Variants in DPP4 observed in about 807,000 individuals in gnomAD.
The protein encoded by DPP4 is ADCP-2.
Under a neutral mutation model 122.4 loss-of-function variants are expected in DPP4, and 93 were observed. The observed-to-expected ratio is 0.76, with a 90% CI of 0.64 to 0.90. The LOEUF is 0.90. Among genes scored for constraint, DPP4 ranks in the 40% least tolerant of loss-of-function variants. The pLI, the probability that DPP4 is intolerant of heterozygous loss-of-function variation, is 0.00. For synonymous variants in DPP4, 321 were observed against 302.9 expected (o/e 1.06, Z -0.62); for missense variants, 914 against 907.3 (o/e 1.01, Z -0.09).
intron 10 of DPP4, among the ~76,000 whole-genome samples, chr2:162,031,372 C>T (rs1343820661): frequency 6.6e-6 from 1 of 152,212 alleles, no homozygotes; most frequent in Non-Finnish European, 1.5e-5. Flanking sequence ...TCTGGCCATA[C>T]ACTTCTATAT....
chr2:162,042,189 C>G (rs1336605261), intron 5 of DPP4, among the ~76,000 whole-genome samples: 1 of 152,214 alleles, frequency 6.6e-6, no homozygotes, highest in Non-Finnish European at 1.5e-5. Flanking sequence ...TCTTTCTAAG[C>G]TTCCATTTTC....
At chr2:162,071,893 G>C (rs1685130372) in intron 2 of DPP4, among the ~76,000 whole-genome samples, 1 of 152,212 alleles carries the variant, frequency 6.6e-6, no homozygotes, top group East Asian at 1.9e-4. Flanking sequence ...TCAAAGTACA[G>C]TATTCCTTCC....
chr2:161,997,333 C>T (rs1399935588), intron 23 of DPP4, among the ~76,000 whole-genome samples: 1 of 152,292 alleles, frequency 6.6e-6, no homozygotes, highest in Non-Finnish European at 1.5e-5. Flanking sequence ...ATCCCAACAT[C>T]ACCATTTATC....
intron 6 of DPP4, 40 bp from the exon 7 acceptor site, chr2:162,039,061 A>C (rs774397489): frequency 1.2e-6 from 2 of 1,612,434 alleles, no homozygotes; most frequent in South Asian, 2.2e-5. Flanking sequence ...AAAAAGAATA[A>C]CTCACATTGG....
At chr2:162,054,679 C>T (rs376629972) in intron 2 of DPP4, among the ~76,000 whole-genome samples, 47 of 152,256 alleles carry the variant, frequency 3.1e-4, no homozygotes, top group African/African-American at 1.1e-3. Context: ...GAGAATGCAG[C>T]AAGAAGGCCC....
At chr2:162,070,984 C>T (rs1685094752) in intron 2 of DPP4, among the ~76,000 whole-genome samples, 1 of 152,130 alleles carries the variant, frequency 6.6e-6, no homozygotes, top group Non-Finnish European at 1.5e-5. Flanking sequence ...TACCGAAGTC[C>T]AGTCATTCAC....
chr2:161,999,267 C>A (rs1701084828), intron 23 of DPP4, among the ~76,000 whole-genome samples: 1 of 152,098 alleles, frequency 6.6e-6, no homozygotes, highest in African/African-American at 2.4e-5. Flanking sequence ...AAAGAAATAA[C>A]AGGCATGAAT....
intron 20 of DPP4, among the ~76,000 whole-genome samples, chr2:162,009,909 A>C (rs541122746): frequency 6.6e-6 from 1 of 152,320 alleles, no homozygotes; most frequent in East Asian, 1.9e-4. Flanking sequence ...GATGGAATCC[A>C]GGTAAAGAAA....
chr2:162,014,517 G>T, intron 18 of DPP4, 52 bp from the exon 19 acceptor site: 1 of 1,383,804 alleles, frequency 7.2e-7, no homozygotes, highest in Non-Finnish European at 1.0e-6. Context: ...ATTAGCACAA[G>T]ATTTTGTTCC....
At chr2:162,033,420 G>A (rs772481379) in intron 10 of DPP4, 121 bp downstream of exon 10, 1 of 633,096 alleles carries the variant, frequency 1.6e-6, no homozygotes, top group Non-Finnish European at 2.7e-6. Context: ...AAGAATGAAT[G>A]ACTGTCAGCG....
chr2:162,009,513 T>TTGTGTA (rs1701365743), intron 20 of DPP4, among the ~76,000 whole-genome samples: 1 of 144,274 alleles, frequency 6.9e-6, no homozygotes, highest in Non-Finnish European at 1.5e-5. Flanking sequence ...TTCATAAAAA[T>TTGTGTA]TGTGTGTGTG....
intron 5 of DPP4, among the ~76,000 whole-genome samples, chr2:162,039,917 T>C (rs1387221280): frequency 6.6e-6 from 1 of 151,600 alleles, no homozygotes; most frequent in Non-Finnish European, 1.5e-5. Context: ...GCAAACATAG[T>C]AAAACTTAGG....
At chr2:162,018,463 G>A (rs1010347009) in intron 16 of DPP4, among the ~76,000 whole-genome samples, 4 of 152,188 alleles carry the variant, frequency 2.6e-5, no homozygotes, top group African/African-American at 9.7e-5. Flanking sequence ...CCCACAATAT[G>A]TATGTATTTA....
At chr2:162,017,052 GA>G in intron 17 of DPP4, 55 bp downstream of exon 17, 2 of 1,561,768 alleles carry the variant, frequency 1.3e-6, no homozygotes, top group Non-Finnish European at 8.8e-7. Flanking sequence ...GTACATGTTA[GA>G]CTTATGCAAC....
chr2:162,036,386 A>G (rs934335869), intron 8 of DPP4, among the ~76,000 whole-genome samples: 1 of 152,224 alleles, frequency 6.6e-6, no homozygotes, highest in African/African-American at 2.4e-5. Flanking sequence ...CTGACATTCA[A>G]TGAGTGCTAA....
intron 23 of DPP4, among the ~76,000 whole-genome samples, chr2:161,997,892 C>T (rs1459411280): frequency 6.6e-6 from 1 of 152,188 alleles, no homozygotes; most frequent in African/African-American, 2.4e-5. Flanking sequence ...ACAGCAAGCC[C>T]TTTTTACTTC....
At chr2:162,001,147 G>A (rs923360754) in intron 23 of DPP4, among the ~76,000 whole-genome samples, 3 of 152,072 alleles carry the variant, frequency 2.0e-5, no homozygotes, top group African/African-American at 7.2e-5. Context: ...TCAATATGTT[G>A]CATAACATTT....
intron 10 of DPP4, among the ~76,000 whole-genome samples, chr2:162,028,016 T>G (rs1449318850): frequency 6.6e-6 from 1 of 150,928 alleles, no homozygotes; most frequent in Non-Finnish European, 1.5e-5. Context: ...GTGGCAGCCT[T>G]GAGCCAAGAT....
intron 10 of DPP4, among the ~76,000 whole-genome samples, chr2:162,028,054 A>T (rs995825877): frequency 6.8e-6 from 1 of 146,982 alleles, no homozygotes. Flanking sequence ...TCAAAGAATC[A>T]TTTAAAAAAA....
Sources: gnomAD v4.1 joint callset for allele counts (sites outside exome capture counted in the v4.1 genomes callset) on GRCh38, gnomAD v4.1.1 for gene constraint, MANE v1.5 for transcripts, NCBI Gene and HGNC (gene_info 2026-07-23, HGNC 2026-07-21) for gene names.